The following RARB variants were observed in gnomAD, a reference collection of about 807,000 sequenced individuals.
RARB encodes HBV-activated protein.
RARB carries 17 observed loss-of-function variants against 51.9 expected under a neutral mutation model. That is an observed-to-expected ratio of 0.33 (90% CI 0.22 to 0.49). The LOEUF is 0.49. Ranked by LOEUF, RARB falls within the 20% of genes least tolerant of loss-of-function variation. RARB has a pLI of 0.99. For synonymous variants in RARB, 215 were observed against 195.4 expected (o/e 1.10, Z -0.84); for missense variants, 369 against 550.8 (o/e 0.67, Z 3.30).
intron 4 of RARB, among the ~76,000 whole-genome samples, chr3:25,134,370 A>T (rs1252339640): frequency 6.6e-6 from 1 of 151,980 alleles, no homozygotes; most frequent in African/African-American, 2.4e-5. Flanking sequence ...TTGGGTTTCC[A>T]TCTAGGTTTT....
chr3:25,113,891 T>C (rs1018732354), intron 3 of RARB, among the ~76,000 whole-genome samples: 4 of 151,970 alleles, frequency 2.6e-5, no homozygotes, highest in African/African-American at 9.7e-5. Context: ...CAAGAGAACA[T>C]GTGTAAGGGA....
At chr3:25,451,737 T>C (rs1251235310) in intron 1 of RARB, among the ~76,000 whole-genome samples, 1 of 152,228 alleles carries the variant, frequency 6.6e-6, no homozygotes, top group East Asian at 1.9e-4. Context: ...CTGGTACTAA[T>C]GTGGTTTTCA....
chr3:25,468,708 TAAAAG>T (rs1408054242), intron 2 of RARB, among the ~76,000 whole-genome samples: 1 of 152,100 alleles, frequency 6.6e-6, no homozygotes, highest in Non-Finnish European at 1.5e-5. Flanking sequence ...GATCATTTCA[TAAAAG>T]AAATGACATC....
intron 4 of RARB, among the ~76,000 whole-genome samples, chr3:25,154,111 G>T (rs905600611): frequency 3.3e-5 from 5 of 152,178 alleles, no homozygotes; most frequent in African/African-American, 1.2e-4. Flanking sequence ...TAAGAAGCCA[G>T]CTATGTTGTG....
chr3:24,909,979 GA>G (rs1205321998), intron 2 of RARB, among the ~76,000 whole-genome samples: 1 of 152,058 alleles, frequency 6.6e-6, no homozygotes, highest in Non-Finnish European at 1.5e-5. Flanking sequence ...CCGCAAAATT[GA>G]AAAAGTCTGC....
chr3:25,495,291 G>GTCC (rs1696968742), intron 2 of RARB, among the ~76,000 whole-genome samples: 3 of 152,220 alleles, frequency 2.0e-5, no homozygotes, highest in Admixed American at 6.5e-5. Context: ...AAATATGCAG[G>GTCC]AGGGAGGGAG....
At chr3:25,449,577 C>G (rs1575414545) in intron 1 of RARB, among the ~76,000 whole-genome samples, 1 of 152,258 alleles carries the variant, frequency 6.6e-6, no homozygotes, top group East Asian at 1.9e-4. Flanking sequence ...ATAGTCTTCT[C>G]TCAACATGGG....
intron 5 of RARB, among the ~76,000 whole-genome samples, chr3:25,587,474 ATCT>A (rs1484922186): frequency 6.6e-6 from 1 of 152,270 alleles, no homozygotes; most frequent in Non-Finnish European, 1.5e-5. Context: ...TAATTTGGAT[ATCT>A]TAAGTTAAAA....
At chr3:25,026,206 C>T (rs1478946699) in intron 2 of RARB, among the ~76,000 whole-genome samples, 3 of 152,260 alleles carry the variant, frequency 2.0e-5, no homozygotes, top group Admixed American at 2.0e-4. Flanking sequence ...TCCAGGGCTT[C>T]GAGTTGACCC....
chr3:25,200,726 A>G (rs933874255), intron 5 of RARB, among the ~76,000 whole-genome samples: 10 of 151,936 alleles, frequency 6.6e-5, no homozygotes, highest in African/African-American at 2.4e-4. Flanking sequence ...TGTTTTTCTC[A>G]GGTTTGTCAA....
chr3:25,020,776 G>A (rs1324960243), intron 2 of RARB, among the ~76,000 whole-genome samples: 1 of 152,054 alleles, frequency 6.6e-6, no homozygotes, highest in Non-Finnish European at 1.5e-5. Context: ...GGAAATGAAT[G>A]CTTGAGGATC....
At chr3:25,461,671 A>G (rs774833065) in intron 2 of RARB, among the ~76,000 whole-genome samples, 4 of 152,092 alleles carry the variant, frequency 2.6e-5, no homozygotes, top group Non-Finnish European at 5.9e-5. Flanking sequence ...AAGGTGCGCA[A>G]TCACTTGAGG....
chr3:25,026,090 T>G (rs1697742659), intron 2 of RARB, among the ~76,000 whole-genome samples: 1 of 151,962 alleles, frequency 6.6e-6, no homozygotes, highest in Non-Finnish European at 1.5e-5. Flanking sequence ...GTGCTCTTGC[T>G]CCCCCCACCT....
intron 4 of RARB, among the ~76,000 whole-genome samples, chr3:25,138,177 A>G (rs1029080113): frequency 3.9e-5 from 6 of 152,168 alleles, no homozygotes; most frequent in African/African-American, 1.4e-4. Flanking sequence ...GGCGTGGCCC[A>G]ATAGTCACAA....
intron 1 of RARB, among the ~76,000 whole-genome samples, chr3:24,830,237 C>T (rs6550920): frequency 0.016 from 2,411 of 149,176 alleles, 64 homozygotes; most frequent in African/African-American, 0.056. Context: ...GAGAGAGGTA[C>T]TTGGAATCTA....
chr3:24,995,608 C>G (rs1398410980), intron 2 of RARB, among the ~76,000 whole-genome samples: 1 of 152,016 alleles, frequency 6.6e-6, no homozygotes, highest in East Asian at 1.9e-4. Context: ...GTGGGTTTGT[C>G]ATATATGGGC....
At chr3:25,095,056 T>C (rs967965428) in intron 3 of RARB, among the ~76,000 whole-genome samples, 3 of 152,208 alleles carry the variant, frequency 2.0e-5, no homozygotes, top group Non-Finnish European at 2.9e-5. Context: ...TTCCTCCTTC[T>C]GGCCTCTGGT....
chr3:25,048,943 G>A (rs1209526292), intron 2 of RARB, among the ~76,000 whole-genome samples: 5 of 151,848 alleles, frequency 3.3e-5, no homozygotes, highest in Middle Eastern at 3.2e-3. Context: ...TAGTAGAGAC[G>A]GGGTTTCACC....
intron 3 of RARB, among the ~76,000 whole-genome samples, chr3:25,522,212 T>A (rs1362772762): frequency 1.3e-5 from 2 of 152,068 alleles, no homozygotes; most frequent in Non-Finnish European, 2.9e-5. Flanking sequence ...ATTATCCACT[T>A]TACATTTTCT....
Sources: allele counts gnomAD v4.1 joint callset (sites outside exome capture counted in the v4.1 genomes callset), GRCh38; gene constraint gnomAD v4.1.1; transcripts MANE v1.5; gene names NCBI Gene and HGNC (gene_info 2026-07-23, HGNC 2026-07-21).